The following TENM3 variants were observed in gnomAD, a reference collection of about 807,000 sequenced individuals.
TENM3 encodes teneurin transmembrane protein 3.
TENM3 carries 63 observed loss-of-function variants against 255.1 expected under a neutral mutation model. The ratio of observed to expected loss-of-function variants is 0.25; its 90% CI spans 0.20 to 0.30. TENM3 has a LOEUF of 0.30. Among genes scored for constraint, TENM3 ranks in the 10% least tolerant of loss-of-function variants. TENM3 has a pLI of 1.00. For missense variants in TENM3, 2,929 were observed against 3,461.1 expected (o/e 0.85, Z 3.86); for synonymous variants, 1,306 against 1,322.3 (o/e 0.99, Z 0.27).
chr4:182,650,889 A>AAAAATATATATATATATAT (rs1281790163), intron 5 of TENM3, among the ~76,000 whole-genome samples: 1 of 29,766 alleles, frequency 3.4e-5, no homozygotes, highest in East Asian at 7.8e-4. Context: ...AATAAAAAAA[A>AAAAATATATATATATATAT]ATATATATAT....
chr4:181,954,214 G>A, the TENM3 span, among the ~76,000 whole-genome samples: 4 of 152,224 alleles, frequency 2.6e-5, no homozygotes, highest in Admixed American at 2.6e-4. Context: ...AATCTACTGT[G>A]CATAGAGTTG....
chr4:182,791,699 A>G (rs998269730), intron 25 of TENM3, among the ~76,000 whole-genome samples: 2 of 152,184 alleles, frequency 1.3e-5, no homozygotes, highest in Non-Finnish European at 2.9e-5. Flanking sequence ...TCACCATGTG[A>G]TTAATTTCAC....
the TENM3 span, among the ~76,000 whole-genome samples, chr4:181,516,352 TA>T: frequency 1.6e-5 from 2 of 121,922 alleles, no homozygotes; most frequent in Non-Finnish European, 3.4e-5. Flanking sequence ...CCTCAGAACT[TA>T]AAATAAAAAA....
rs377063478 is a variant in TENM3 at position 182,465,718 on chromosome 4, G to A, written c.511+118789G>A. Among the ~76,000 whole-genome samples the A allele has an allele frequency of 1.9e-4, 29 of 152,052 alleles. 1 individual carries two copies. The East Asian group carries it at 4.1e-3, about 21-fold the overall frequency. Reference sequence around the variant, plus strand: ...AGTACCTACTATGTTTCTGACATCGGTGCTTTATTATTAATAATATAAGAT... The same window carrying A: ...AGTACCTACTATGTTTCTGACATCGATGCTTTATTATTAATAATATAAGAT... On this transcript the variant is annotated intron_variant, in intron 3 of 27. Transcript: ENST00000511685.
chr4:181,597,345 G>A, the TENM3 span, among the ~76,000 whole-genome samples: 2 of 152,140 alleles, frequency 1.3e-5, no homozygotes, highest in East Asian at 1.9e-4. Flanking sequence ...GGGCATAAAC[G>A]TGGTGCTAGA....
chr4:181,467,629 G>A, the TENM3 span, among the ~76,000 whole-genome samples: 176 of 152,200 alleles, frequency 1.2e-3, no homozygotes, highest in African/African-American at 4.0e-3. Flanking sequence ...TTCAAGTGTG[G>A]ATGGCAGAGA....
intron 1 of TENM3, among the ~76,000 whole-genome samples, chr4:182,214,512 G>GTGTT (rs1755303944): frequency 6.8e-6 from 1 of 147,166 alleles, no homozygotes; most frequent in Non-Finnish European, 1.5e-5. Flanking sequence ...TCTATTTATT[G>GTGTT]TATTTATTTA....
intron 2 of TENM3, among the ~76,000 whole-genome samples, chr4:182,328,264 G>A (rs923031084): frequency 4.5e-4 from 68 of 152,226 alleles, no homozygotes; most frequent in African/African-American, 1.6e-3. Context: ...CGCCCAGGCT[G>A]GAGTGAAATG....
Position 182,736,762 on chromosome 4 carries a change from G to T in TENM3, c.2968-46G>T, listed in dbSNP as rs71620944. 0.032 allele frequency: 49,855 copies of T among 1,549,764 alleles called. 962 individuals carry two copies. The highest frequency in any genetic ancestry group is 0.038 in the Non-Finnish European group (42,867 of 1,140,554). On this transcript the variant is annotated intron_variant, in intron 16 of 27. Coordinates refer to ENST00000511685, the MANE Select transcript of TENM3 (RefSeq NM_001080477.4). ...CTACATAAATATATTTTATCTAATC[G>T]TCATACGTGATCACAGTTTGAAACT... is the stretch of plus-strand genomic sequence containing the variant.
the TENM3 span, among the ~76,000 whole-genome samples, chr4:181,857,893 G>T: frequency 2.7e-4 from 41 of 152,268 alleles, no homozygotes; most frequent in Admixed American, 7.8e-4. Flanking sequence ...GCTGTGAGGA[G>T]AAAGGACAGA....
the TENM3 span, among the ~76,000 whole-genome samples, chr4:181,465,417 A>G: frequency 6.6e-6 from 1 of 152,220 alleles, no homozygotes; most frequent in Non-Finnish European, 1.5e-5. Flanking sequence ...GGGATTGCTC[A>G]GAAACAAAGA....
chr4:181,596,776 T>C, the TENM3 span, among the ~76,000 whole-genome samples: 1 of 152,148 alleles, frequency 6.6e-6, no homozygotes, highest in Non-Finnish European at 1.5e-5. Flanking sequence ...ATCATGTCCT[T>C]TGCAGGAACA....
the TENM3 span, among the ~76,000 whole-genome samples, chr4:181,891,918 T>G: frequency 1.3e-5 from 2 of 152,086 alleles, no homozygotes; most frequent in African/African-American, 4.8e-5. Context: ...TGAGGACTCC[T>G]TCCTCATGTA....
chr4:182,345,261 A>G (rs953657020), intron 2 of TENM3, among the ~76,000 whole-genome samples: 3 of 152,182 alleles, frequency 2.0e-5, no homozygotes, highest in Non-Finnish European at 2.9e-5. Context: ...TATCTTTACA[A>G]CCCAATATTT....
intron 6 of TENM3, among the ~76,000 whole-genome samples, chr4:182,667,799 TG>T (rs1754833794): frequency 1.7e-5 from 2 of 115,120 alleles, no homozygotes; most frequent in Non-Finnish European, 3.6e-5. Flanking sequence ...GGGCCTATCA[TG>T]GGGTGGGGGG....
intron 11 of TENM3, among the ~76,000 whole-genome samples, chr4:182,685,940 T>C (rs1756537090): frequency 6.6e-6 from 1 of 152,064 alleles, no homozygotes; most frequent in Non-Finnish European, 1.5e-5. Flanking sequence ...AAAATATACA[T>C]ATAAATGTTC....
chr4:181,691,495 T>C, the TENM3 span, among the ~76,000 whole-genome samples: 1 of 152,114 alleles, frequency 6.6e-6, no homozygotes, highest in Non-Finnish European at 1.5e-5. Context: ...AAATGCAGTT[T>C]TAGCAAAGAG....
At chr4:182,219,929 T>G (rs1039137667) in intron 1 of TENM3, among the ~76,000 whole-genome samples, 1 of 152,218 alleles carries the variant, frequency 6.6e-6, no homozygotes. Context: ...AGCTGAATAT[T>G]TAATATGCCT....
rs1327953814 is a variant in TENM3 at position 182,335,474 on chromosome 4, G to A, written c.233-11177G>A. Among the ~76,000 whole-genome samples, 4 of 100,006 alleles carry A rather than the reference G, an allele frequency of 4.0e-5. No homozygotes were observed. The Admixed American group carries it at 4.2e-4, about 11-fold the overall frequency. 65.6% of individuals were successfully genotyped at this position (100,006 alleles called of 152,430 possible). ...CGCGCCACCGCACTCCAGCCTGGGC[G>A]ACAGAGCGAGACTCCGCCTCAAAAA... On this transcript the variant is annotated intron_variant, in intron 2 of 27. Transcript: ENST00000511685.
Sources: allele counts gnomAD v4.1 joint callset (sites outside exome capture counted in the v4.1 genomes callset), GRCh38; gene constraint gnomAD v4.1.1; transcripts MANE v1.5; gene names NCBI Gene and HGNC (gene_info 2026-07-23, HGNC 2026-07-21).